CCDC102B: variants seen among roughly 807,000 people sequenced by gnomAD.
CCDC102B encodes coiled-coil domain-containing protein 102B.
In CCDC102B, 75 loss-of-function variants were observed where a neutral mutation model predicts 57.4. The ratio of observed to expected loss-of-function variants is 1.31; its 90% CI spans 1.08 to 1.58. The LOEUF is 1.58. Among genes scored for constraint, CCDC102B ranks in the 40% most tolerant of loss-of-function variants. The probability of loss-of-function intolerance (pLI) is 0.00; values close to 1 mark genes in which losing one functional copy is unlikely to be tolerated. For missense variants in CCDC102B, 636 were observed against 582.6 expected, an observed-to-expected ratio of 1.09 and a Z score of -0.94; for synonymous variants, 206 against 201.9, an observed-to-expected ratio of 1.02 and a Z score of -0.17.
chr18:68,887,188 G>A (rs1599636756), intron 5 of CCDC102B, among the ~76,000 whole-genome samples: 1 of 152,126 alleles, frequency 6.6e-6, no homozygotes, highest in East Asian at 1.9e-4. Context: ...AGAGAGGGAA[G>A]GAAGTTCTTC....
chr18:68,966,735 G>A (rs755155719), intron 6 of CCDC102B, among the ~76,000 whole-genome samples: 2 of 152,076 alleles, frequency 1.3e-5, no homozygotes, highest in Non-Finnish European at 2.9e-5. Flanking sequence ...TCTGTTGTAG[G>A]CAGGTTCCAT....
chr18:68,759,517 A>T (rs1218935553), intron 2 of CCDC102B, among the ~76,000 whole-genome samples: 1 of 152,140 alleles, frequency 6.6e-6, no homozygotes, highest in East Asian at 1.9e-4. Flanking sequence ...GAATCACATC[A>T]GACTTCTCAA....
intron 2 of CCDC102B, among the ~76,000 whole-genome samples, chr18:68,777,090 T>C (rs1414054638): frequency 6.6e-6 from 1 of 152,190 alleles, no homozygotes; most frequent in African/African-American, 2.4e-5. Context: ...TCAAAACCAT[T>C]TAAAAATAAT....
chr18:69,039,272 TATTAA>T (rs984407597), intron 7 of CCDC102B, among the ~76,000 whole-genome samples: 1 of 152,028 alleles, frequency 6.6e-6, no homozygotes, highest in Non-Finnish European at 1.5e-5. Context: ...AGCTTGCTTT[TATTAA>T]ATTAACATTA....
chr18:69,052,212 A>C (rs1481730758), intron 7 of CCDC102B, among the ~76,000 whole-genome samples: 1 of 152,016 alleles, frequency 6.6e-6, no homozygotes, highest in African/African-American at 2.4e-5. Flanking sequence ...ATACATGAGA[A>C]AAATGTTAAT....
At chr18:68,716,932 G>A (rs2032041901) in intron 2 of CCDC102B, among the ~76,000 whole-genome samples, 1 of 151,948 alleles carries the variant, frequency 6.6e-6, no homozygotes, top group Admixed American at 6.6e-5. Context: ...CAGAGAATTA[G>A]CTGGGCGTGG....
chr18:68,858,480 T>C (rs1447954643), intron 4 of CCDC102B, among the ~76,000 whole-genome samples: 1 of 152,192 alleles, frequency 6.6e-6, no homozygotes, highest in South Asian at 2.1e-4. Context: ...TTTTCAAATA[T>C]TTAACTTCCC....
chr18:68,852,330 G>T (rs562627371), intron 4 of CCDC102B, among the ~76,000 whole-genome samples: 16 of 152,244 alleles, frequency 1.1e-4, no homozygotes, highest in African/African-American at 3.9e-4. Context: ...AATTTGAAAT[G>T]AAACAGTCAT....
intron 2 of CCDC102B, among the ~76,000 whole-genome samples, chr18:68,751,607 T>A (rs2033853775): frequency 6.6e-6 from 1 of 152,194 alleles, no homozygotes; most frequent in African/African-American, 2.4e-5. Flanking sequence ...AACTTGTACA[T>A]CAGGTGACCC....
chr18:68,792,433 A>G (rs542610992), intron 2 of CCDC102B, among the ~76,000 whole-genome samples: 161 of 152,364 alleles, frequency 1.1e-3, no homozygotes, highest in Non-Finnish European at 1.6e-3. Flanking sequence ...TCAGACTGGG[A>G]CATGCCTGAA....
chr18:68,860,463 C>CA (rs2038689874), intron 4 of CCDC102B, among the ~76,000 whole-genome samples: 2 of 97,274 alleles, frequency 2.1e-5, no homozygotes, highest in Non-Finnish European at 4.4e-5. Context: ...TAAAAAAAAA[C>CA]AAAAACAAAA....
chr18:68,890,226 T>C (rs1234773375), intron 5 of CCDC102B, among the ~76,000 whole-genome samples: 3 of 152,164 alleles, frequency 2.0e-5, no homozygotes, highest in African/African-American at 7.2e-5. Context: ...ATAATGAATT[T>C]TTTTTTTTCT....
chr18:68,777,314 C>T (rs2034856287), intron 2 of CCDC102B, among the ~76,000 whole-genome samples: 1 of 152,084 alleles, frequency 6.6e-6, no homozygotes, highest in Admixed American at 6.6e-5. Flanking sequence ...TTTGGATTTC[C>T]ACTTTTATAT....
intron 6 of CCDC102B, among the ~76,000 whole-genome samples, chr18:68,941,075 T>A (rs2049367584): frequency 1.3e-5 from 2 of 151,264 alleles, no homozygotes. Flanking sequence ...ATCTACTATT[T>A]GCTATTTATT....
chr18:69,027,707 A>G (rs1000864799), intron 7 of CCDC102B, among the ~76,000 whole-genome samples: 3 of 151,948 alleles, frequency 2.0e-5, no homozygotes, highest in African/African-American at 7.3e-5. Flanking sequence ...GAATTAATTT[A>G]TAGGAAAACA....
intron 7 of CCDC102B, among the ~76,000 whole-genome samples, chr18:69,022,223 A>AC (rs1160074383): frequency 4.0e-4 from 40 of 100,550 alleles, no homozygotes; most frequent in African/African-American, 1.6e-3. Flanking sequence ...ATATATATAT[A>AC]ACACACACAC....
At chr18:68,782,712 A>G (rs1359291510) in intron 2 of CCDC102B, among the ~76,000 whole-genome samples, 2 of 152,308 alleles carry the variant, frequency 1.3e-5, no homozygotes, top group East Asian at 1.9e-4. Flanking sequence ...ACTAAATGAA[A>G]TCTTGAGGGA....
intron 7 of CCDC102B, among the ~76,000 whole-genome samples, chr18:69,040,932 A>G (rs1481966587): frequency 1.3e-5 from 2 of 152,026 alleles, no homozygotes; most frequent in African/African-American, 4.8e-5. Flanking sequence ...ACAGGTAGGA[A>G]GCTCCCAGCT....
chr18:68,752,508 A>G (rs1288726026), intron 2 of CCDC102B, among the ~76,000 whole-genome samples: 1 of 151,322 alleles, frequency 6.6e-6, no homozygotes, highest in Admixed American at 6.6e-5. Flanking sequence ...CACAACCAAC[A>G]TAGGAAATAT....
Sources: gnomAD v4.1 joint callset for allele counts (sites outside exome capture counted in the v4.1 genomes callset) on GRCh38, gnomAD v4.1.1 for gene constraint, MANE v1.5 for transcripts, NCBI Gene and HGNC (gene_info 2026-07-23, HGNC 2026-07-21) for gene names.